Variants in GRIN3B observed in about 807,000 individuals in gnomAD.
The protein encoded by GRIN3B is glutamate ionotropic receptor NMDA type subunit 3B.
Under a neutral mutation model 66.0 loss-of-function variants are expected in GRIN3B, and 77 were observed. That is an observed-to-expected ratio of 1.17 (90% confidence interval 0.97 to 1.41). GRIN3B has a LOEUF of 1.41. Among genes scored for constraint, GRIN3B ranks in the 40% most tolerant of loss-of-function variants. The pLI is 0.00. For missense variants in GRIN3B, 1,787 were observed against 1,564.5 expected (o/e 1.14, Z -2.40); for synonymous variants, 823 against 749.7 (o/e 1.10, Z -1.60).
At position 1,009,471 on chromosome 19, in the gene GRIN3B, C is replaced by G. The variant is rs1186903511; in HGVS notation, c.3001C>G (p.Leu1001Val). 7.4e-6 allele frequency: 11 copies of G among 1,484,332 alleles called. No homozygotes were observed. Among genetic ancestry groups the G allele is most frequent in the Non-Finnish European group, 1.8e-6 (2 of 1,124,214 alleles). The allele number at this position is 1,484,332 out of a possible 1,614,324, so 91.9% of individuals were successfully genotyped here. A position where few individuals can be genotyped will look rare whatever the true frequency, so the allele number is the denominator to read the frequency against. Residue 1001 changes from leucine to valine, a missense_variant, in exon 9 of 9, where the codon CTG becomes GTG. Transcript: ENST00000234389. ...EVARERLRQA[L>V]VRRGQLLAQL... ...CGCGCGTGAGCGGCTCCGCCAGGCC[C>G]TGGTGCGGCGCGGCCAGCTCCTGGC...
rs550514014 is a variant in GRIN3B at position 1,005,436 on chromosome 19, C to T, written c.1935C>T (p.Leu645=). The part of the protein sequence containing the change: ...KTPKCPTGRL[L]MNLWAIFCLL... ...CCAAGTGCCCCACGGGCCGCCTGCT[C>T]ATGAACCTCTGGGCCATCTTCTGCC... The change falls in exon 3 of 9, where the codon CTC becomes CTT. Residue 645 remains leucine (L), a synonymous_variant. Coordinates refer to ENST00000234389, the MANE Select transcript of GRIN3B (RefSeq NM_138690.3). The surrounding 1 kb of genome is among the most constrained non-coding windows in gnomAD (Gnocchi z 5.2). 9 of 1,613,616 alleles carry T rather than the reference C, an allele frequency of 5.6e-6. No individual in the cohort carries two copies. The African/African-American group carries it at 8.0e-5, about 14-fold the overall frequency.
intron 2 of GRIN3B, 29 bp downstream of exon 2, chr19:1,003,751 G>C: frequency 7.3e-7 from 1 of 1,379,292 alleles, no homozygotes; most frequent in East Asian, 2.9e-5. Context: ...TCCCTTAGGA[G>C]GGTGTCCAGG....
In GRIN3B at chr19:1,009,603, G is replaced by T; in HGVS notation, c.*1G>T. 7.0e-7 allele frequency: 1 copy of T among 1,427,262 alleles called. No individual in the cohort carries two copies. The highest frequency in any genetic ancestry group is 9.1e-7 in the Non-Finnish European group (1 of 1,095,994). 88.4% of individuals were successfully genotyped at this position (1,427,262 alleles called of 1,614,324 possible). ...TGGCCGACCGGGGAGCCAGGAATGA[G>T]GCGGCAGCCGGGCCGTTTGGGCTCA... On this transcript the variant is annotated 3_prime_UTR_variant, in exon 9 of 9. Transcript: ENST00000234389.
At position 1,004,505 on chromosome 19, in the gene GRIN3B, C is replaced by T. The variant is rs372886298; in HGVS notation, c.1020-16C>T. 2 of 1,559,020 alleles carry T rather than the reference C, an allele frequency of 1.3e-6. No homozygotes were observed. Among genetic ancestry groups the T allele is most frequent in the Non-Finnish European group, 1.7e-6 (2 of 1,148,476 alleles). On this transcript the variant is annotated splice_polypyrimidine_tract_variant and intron_variant, in intron 2 of 8. Coordinates refer to ENST00000234389, the MANE Select transcript of GRIN3B (RefSeq NM_138690.3). ...GTGAACTTCGACACCTGACACCCCC[C>T]CCGCCCTGCCCCTAGGTTCCTGGCC...
Position 1,009,551 on chromosome 19 carries a change from G to A in GRIN3B, c.3081G>A (p.Ala1027=), listed in dbSNP as rs1365117098. The A allele has an allele frequency of 1.4e-6, 2 of 1,473,200 alleles. No individual in the cohort carries two copies. The highest frequency in any genetic ancestry group is 5.4e-5 in the East Asian group (2 of 36,718). 91.3% of individuals were successfully genotyped at this position (1,473,200 alleles called of 1,614,324 possible). Residue 1027 remains alanine (A), a synonymous_variant, in exon 9 of 9, where the codon GCG becomes GCA. Transcript: ENST00000234389. The stretch of plus-strand genomic sequence containing the variant: ...CTCGGCGCTTGCTTCAGGCCAGAGC[G>A]GCCCCCGCGGAGGCCCCACCACACT... The part of the protein sequence containing the change: ...HRPRRLLQAR[A]APAEAPPHSG...
At chr19:1,003,984 G>A (rs577354787) in intron 2 of GRIN3B, among the ~76,000 whole-genome samples, 141 of 152,366 alleles carry the variant, frequency 9.3e-4, no homozygotes, top group African/African-American at 3.3e-3. Flanking sequence ...AGCTACTCAG[G>A]AGGCTGAGAT....
Position 1,003,472 on chromosome 19 carries a change from C to A in GRIN3B, c.769C>A (p.His257Asn). ...RVLEAVPPGP[H>N]WLLGTPLPPK... ...GCTGGAGGCCGTACCTCCCGGCCCC[C>A]ACTGGCTGTTGGGGACACCACTGCC... Residue 257 changes from histidine to asparagine, a missense_variant, in exon 2 of 9, where the codon CAC becomes AAC. Physicochemically the swap from His to Asn is moderately conservative, Grantham distance 68 (BLOSUM62 1). Coordinates refer to ENST00000234389, the MANE Select transcript of GRIN3B (RefSeq NM_138690.3). The A allele has an allele frequency of 2.0e-6, 3 of 1,538,232 alleles. No homozygotes were observed. The highest frequency in any genetic ancestry group is 2.6e-6 in the Non-Finnish European group (3 of 1,147,062).
Position 1,005,298 on chromosome 19 carries a change from C to G in GRIN3B, c.1797C>G (p.Ser599Arg). The G allele has an allele frequency of 6.2e-7, 1 of 1,613,630 alleles. No individual in the cohort carries two copies. The highest frequency in any genetic ancestry group is 8.5e-7 in the Non-Finnish European group (1 of 1,179,992). Residue 599 changes from serine (S) to arginine (R), a missense_variant, in exon 3 of 9, where the codon AGC (serine) becomes AGG (arginine). Transcript: ENST00000234389. This position sits in a 1 kb window ranked among gnomAD's most constrained non-coding sequence, Gnocchi z 5.2. ...ALFLTVYEWR[S>R]PYGLTPRGRN... Reference sequence around the variant, plus strand: ...TCCTCACCGTGTACGAGTGGCGTAGCCCCTACGGCCTCACGCCACGTGGCC... The same window carrying G: ...TCCTCACCGTGTACGAGTGGCGTAGGCCCTACGGCCTCACGCCACGTGGCC...
chr19:1,008,908 A>T lies in GRIN3B; in HGVS notation c.2683A>T (p.Thr895Ser). 6.2e-7 allele frequency: 1 copy of T among 1,609,670 alleles called. No homozygotes were observed. The highest frequency in any genetic ancestry group is 1.1e-5 in the South Asian group (1 of 90,666). Residue 895 changes from threonine (T) to serine (S), a missense_variant, in exon 8 of 9, where the codon ACG (threonine) becomes TCG (serine). By Grantham distance (58) the Thr-to-Ser change is moderately conservative (BLOSUM62 1). Coordinates refer to ENST00000234389, the MANE Select transcript of GRIN3B (RefSeq NM_138690.3). ...TEPPEGSKEE[T>S]AEAEPSGPEV... ...GCCACCAGAGGGGTCGAAGGAGGAG[A>T]CGGCAGAGGCGGAGCCCAGGTAAGT...
intron 1 of GRIN3B, 34 bp downstream of exon 1, chr19:1,000,897 A>G (rs1599454176): frequency 2.2e-6 from 3 of 1,346,926 alleles, no homozygotes; most frequent in South Asian, 1.7e-5. Context: ...GACGAGGGGG[A>G]CCCGGGGCGG....
Position 1,007,857 on chromosome 19 carries a change from A to G in GRIN3B, c.2200A>G (p.Ser734Gly). 6.7e-7 allele frequency: 1 copy of G among 1,486,932 alleles called. No homozygotes were observed. The allele number at this position is 1,486,932 out of a possible 1,614,324, so 92.1% of individuals were successfully genotyped here. A position where few individuals can be genotyped will look rare whatever the true frequency, so the allele number is the denominator to read the frequency against. The change falls in exon 5 of 9, where the codon AGC becomes GGC. Residue 734 changes from serine (S) to glycine (G), a missense_variant and splice_region_variant. Coordinates refer to ENST00000234389, the MANE Select transcript of GRIN3B (RefSeq NM_138690.3). This position sits in a 1 kb window ranked among gnomAD's most constrained non-coding sequence, Gnocchi z 4.4. ...GACCCCCGCCCCCGGCCCCAGCAGG[A>G]GCGACCCCCCCAAGCTCAACGCCTT... The part of the protein sequence containing the change: ...TTPRGVAMLT[S>G]DPPKLNAFIM...
Position 1,007,599 on chromosome 19 carries a change from C to T in GRIN3B, c.2053-29C>T. Reference sequence around the variant, plus strand: ...ATGGTCAGGGGTCCTGAGGGGCAGGCAGAGGCGCTGACGGGGTCCCCCGCG... The same window carrying T: ...ATGGTCAGGGGTCCTGAGGGGCAGGTAGAGGCGCTGACGGGGTCCCCCGCG... On this transcript the variant is annotated intron_variant, in intron 3 of 8. Coordinates refer to ENST00000234389, the MANE Select transcript of GRIN3B (RefSeq NM_138690.3). The surrounding 1 kb of genome is among the most constrained non-coding windows in gnomAD (Gnocchi z 4.4). 4 of 1,464,904 alleles carry T rather than the reference C, an allele frequency of 2.7e-6. No individual in the cohort carries two copies. The highest frequency in any genetic ancestry group is 2.7e-6 in the Non-Finnish European group (3 of 1,110,960). 90.7% of individuals were successfully genotyped at this position (1,464,904 alleles called of 1,614,324 possible).
Position 1,009,588 on chromosome 19 carries a change from G to C in GRIN3B, c.3118G>C (p.Gly1040Arg), listed in dbSNP as rs1340145754. 4 of 1,438,548 alleles carry C rather than the reference G, an allele frequency of 2.8e-6. No homozygotes were observed. The Admixed American group carries it at 1.1e-4, about 41-fold the overall frequency. The allele number at this position is 1,438,548 out of a possible 1,614,324, so 89.1% of individuals were successfully genotyped here. ...GGCCCCACCACACTCTGGCCGACCG[G>C]GGAGCCAGGAATGAGGCGGCAGCCG... ...AEAPPHSGRP[G>R]SQE Residue 1040 changes from glycine to arginine, a missense_variant, in exon 9 of 9, where the codon GGG (glycine) becomes CGG (arginine). Transcript: ENST00000234389.
chr19:1,001,491 C>T (rs1488366819), intron 1 of GRIN3B, among the ~76,000 whole-genome samples: 1 of 151,898 alleles, frequency 6.6e-6, no homozygotes, highest in African/African-American at 2.4e-5. Context: ...GGCCCAGATC[C>T]CGGGAGGAAA....
At position 1,004,999 on chromosome 19, in the gene GRIN3B, G is replaced by C. The variant is rs377572345; in HGVS notation, c.1498G>C (p.Val500Leu). The C allele has an allele frequency of 3.1e-6, 5 of 1,612,144 alleles. No individual in the cohort carries two copies. The highest frequency in any genetic ancestry group is 2.7e-5 in the African/African-American group (2 of 75,040). The stretch of plus-strand genomic sequence containing the variant: ...GCCCTTCGACTTCGAGCTGTACCTC[G>C]TGGGTGACGGCAAGTACGGCGCCCT... The part of the protein sequence containing the change: ...DTPFDFELYL[V>L]GDGKYGALRD... The change falls in exon 3 of 9, where the codon GTG becomes CTG. Residue 500 changes from valine (V) to leucine (L), a missense_variant. Val to Leu is a conservative substitution (Grantham distance 32, BLOSUM62 1). Transcript: ENST00000234389.
intron 6 of GRIN3B, 27 bp downstream of exon 6, chr19:1,008,318 G>C (rs768828052): frequency 7.4e-7 from 1 of 1,345,846 alleles, no homozygotes; most frequent in South Asian, 1.3e-5. Context: ...GACAGAGGGT[G>C]GGGGTGGGGG....
rs1201102695 is a variant in GRIN3B at position 1,000,650 on chromosome 19, C to G, written c.213C>G (p.Ser71Arg). 1.5e-6 allele frequency: 2 copies of G among 1,303,772 alleles called. No individual in the cohort carries two copies. The highest frequency in any genetic ancestry group is 3.0e-4 in the Middle Eastern group (1 of 3,352). 80.8% of individuals were successfully genotyped at this position (1,303,772 alleles called of 1,614,324 possible). Residue 71 changes from serine to arginine, a missense_variant, in exon 1 of 9, where the codon AGC (serine) becomes AGG (arginine). Physicochemically the swap from Ser to Arg is moderately radical, Grantham distance 110. Transcript: ENST00000234389. The part of the protein sequence containing the change: ...ALAPRLPHNL[S>R]LELVVAAPPA... ...CGCCGCGGCTGCCGCACAACCTGAG[C>G]TTGGAGCTGGTGGTCGCCGCGCCCC... is the stretch of plus-strand genomic sequence containing the variant.
chr19:1,003,868 C>G, intron 2 of GRIN3B, 146 bp downstream of exon 2: 1 of 589,494 alleles, frequency 1.7e-6, no homozygotes, highest in South Asian at 3.4e-5. Context: ...GAGCGGATCA[C>G]TTGAGCTCGG....
Position 1,007,017 on chromosome 19 carries a change from G to A in GRIN3B, c.2053-611G>A, listed in dbSNP as rs1568391874. Among the ~76,000 whole-genome samples the A allele has an allele frequency of 6.6e-6, 1 of 152,186 alleles. No homozygotes were observed. Among genetic ancestry groups the A allele is most frequent in the Non-Finnish European group, 1.5e-5 (1 of 68,038 alleles). Reference sequence around the variant, plus strand: ...CAGCTGTGGGGAGAACAGACCACGGGTGGTGCAGGGAGGACCCCGCAGAGG... The same window carrying A: ...CAGCTGTGGGGAGAACAGACCACGGATGGTGCAGGGAGGACCCCGCAGAGG... On this transcript the variant is annotated intron_variant, in intron 3 of 8. Transcript: ENST00000234389. The surrounding 1 kb of genome is among the most constrained non-coding windows in gnomAD (Gnocchi z 4.4).
Sources: gnomAD v4.1 joint callset for allele counts (sites outside exome capture counted in the v4.1 genomes callset) on GRCh38, gnomAD v4.1.1 for gene constraint, Gnocchi (gnomAD v3.1) non-coding constraint, MANE v1.5 for transcripts, NCBI Gene and HGNC (gene_info 2026-07-23, HGNC 2026-07-21) for gene names.